AUH: variants seen among roughly 807,000 people sequenced by gnomAD.
AUH encodes AU RNA binding methylglutaconyl-CoA hydratase.
Under a neutral mutation model 42.3 loss-of-function variants are expected in AUH, and 29 were observed. That is an observed-to-expected ratio of 0.69 (90% CI 0.51 to 0.93). The LOEUF is 0.93. Among genes scored for constraint, AUH ranks in the 40% least tolerant of loss-of-function variants. The pLI is 0.00. For synonymous variants in AUH, 174 were observed against 166.4 expected (o/e 1.05, Z -0.35); for missense variants, 452 against 438.1 (o/e 1.03, Z -0.28).
At chr9:91,350,258 A>C (rs1587917862) in intron 3 of AUH, among the ~76,000 whole-genome samples, 1 of 152,234 alleles carries the variant, frequency 6.6e-6, no homozygotes, top group South Asian at 2.1e-4. Flanking sequence ...TAAAATTTTA[A>C]GAACTTTAAA....
At chr9:91,286,440 G>A (rs893332816) in intron 6 of AUH, among the ~76,000 whole-genome samples, 1 of 151,944 alleles carries the variant, frequency 6.6e-6, no homozygotes, top group Admixed American at 6.6e-5. Flanking sequence ...TTTGGAAATA[G>A]TCAGCCAATG....
At chr9:91,349,139 C>T (rs1831755799) in intron 3 of AUH, among the ~76,000 whole-genome samples, 1 of 152,160 alleles carries the variant, frequency 6.6e-6, no homozygotes, top group African/African-American at 2.4e-5. Context: ...CACATCTATC[C>T]AGATCATGAC....
chr9:91,329,415 G>A (rs911169237), intron 3 of AUH, among the ~76,000 whole-genome samples: 1 of 152,016 alleles, frequency 6.6e-6, no homozygotes, highest in Non-Finnish European at 1.5e-5. Flanking sequence ...ACCAACAATT[G>A]TCTGTCTTTT....
intron 6 of AUH, among the ~76,000 whole-genome samples, chr9:91,264,951 T>C (rs1829892453): frequency 6.6e-6 from 1 of 152,226 alleles, no homozygotes; most frequent in Non-Finnish European, 1.5e-5. Flanking sequence ...ATAGCATCCA[T>C]GTTGCTGATG....
chr9:91,320,508 C>T (rs1263181449), intron 4 of AUH, among the ~76,000 whole-genome samples: 2 of 152,138 alleles, frequency 1.3e-5, no homozygotes, highest in African/African-American at 4.8e-5. Flanking sequence ...TGTTTCTGCA[C>T]CTCGCTTCTG....
intron 6 of AUH, among the ~76,000 whole-genome samples, chr9:91,251,652 T>A (rs1038912966): frequency 2.0e-5 from 3 of 152,202 alleles, no homozygotes; most frequent in Non-Finnish European, 4.4e-5. Flanking sequence ...TAGAGTAAAC[T>A]TTCCATTTAC....
At position 91,288,982 on chromosome 9, in the gene AUH, C is replaced by T. The variant is rs578162625; in HGVS notation, c.655+7039G>A. Among the ~76,000 whole-genome samples the T allele has an allele frequency of 3.9e-4, 59 of 151,788 alleles. 1 individual carries two copies. The highest frequency in any genetic ancestry group is 7.7e-4 in the East Asian group (4 of 5,180). On this transcript the variant is annotated intron_variant, in intron 6 of 9. Coordinates refer to ENST00000375731, the MANE Select transcript of AUH (RefSeq NM_001698.3). Reference sequence around the variant, plus strand: ...CAGGTCAAAGCTCAGGTAAAGAAAACAAAACAAAACAAAACACTATTTTTT... The same window carrying T: ...CAGGTCAAAGCTCAGGTAAAGAAAATAAAACAAAACAAAACACTATTTTTT...
At chr9:91,283,520 T>C (rs1826146248) in intron 6 of AUH, among the ~76,000 whole-genome samples, 1 of 152,204 alleles carries the variant, frequency 6.6e-6, no homozygotes, top group African/African-American at 2.4e-5. Context: ...GGAAGTCAAA[T>C]TGTCCCTGTT....
At chr9:91,217,219 T>C (rs1826872737) in intron 8 of AUH, 58 bp downstream of exon 8, 2 of 1,524,876 alleles carry the variant, frequency 1.3e-6, no homozygotes, top group Admixed American at 1.7e-5. Context: ...ACATGGTTCA[T>C]TTAAATTAAA....
chr9:91,334,565 G>C (rs1464074881), intron 3 of AUH, among the ~76,000 whole-genome samples: 1 of 102,940 alleles, frequency 9.7e-6, no homozygotes, highest in Non-Finnish European at 2.0e-5. Flanking sequence ...TCTCCAGCTT[G>C]CAGATGTAGA....
At chr9:91,308,056 C>G (rs1382717381) in intron 4 of AUH, among the ~76,000 whole-genome samples, 2 of 151,936 alleles carry the variant, frequency 1.3e-5, no homozygotes, top group Admixed American at 1.3e-4. Flanking sequence ...TAGAATAAAC[C>G]CACACACAGA....
chr9:91,268,000 G>C (rs1210377505), intron 6 of AUH, among the ~76,000 whole-genome samples: 1 of 152,008 alleles, frequency 6.6e-6, no homozygotes, highest in Non-Finnish European at 1.5e-5. Context: ...TTCAGCTACG[G>C]GCTGCTCTGG....
At chr9:91,239,736 A>C (rs1828394112) in intron 6 of AUH, among the ~76,000 whole-genome samples, 1 of 152,084 alleles carries the variant, frequency 6.6e-6, no homozygotes, top group Non-Finnish European at 1.5e-5. Context: ...AAGCAATGAA[A>C]ACACACACGC....
rs534157408 is a variant in AUH at position 91,353,769 on chromosome 9, C to T, written c.418+2114G>A. 2.0e-3 allele frequency among the ~76,000 whole-genome samples: 265 copies of T among 131,152 alleles called. 3 individuals are homozygous for T. Among genetic ancestry groups the T allele is most frequent in the South Asian group, 0.011 (47 of 4,182 alleles). 86.0% of individuals were successfully genotyped at this position (131,152 alleles called of 152,430 possible). ...AGGAGAATGGGGTGAACCCAGGAGC[C>T]GAGATCGTGCCACTGCACTCCAGCC... On this transcript the variant is annotated intron_variant, in intron 3 of 9. Transcript: ENST00000375731.
chr9:91,288,887 A>G lies in AUH; in HGVS notation c.655+7134T>C, dbSNP rs75686727. On this transcript the variant is annotated intron_variant, in intron 6 of 9. Coordinates refer to ENST00000375731, the MANE Select transcript of AUH (RefSeq NM_001698.3). Reference sequence around the variant, plus strand: ...TCAATAGAAATATTACCATCTCTTCAAAGTCATTATTTTATAATAGCATTT... The same window carrying G: ...TCAATAGAAATATTACCATCTCTTCGAAGTCATTATTTTATAATAGCATTT... Among the ~76,000 whole-genome samples, 462 of 152,320 alleles carry G rather than the reference A, an allele frequency of 3.0e-3. 5 individuals are homozygous for G. Among genetic ancestry groups the G allele is most frequent in the African/African-American group, 0.011 (441 of 41,576 alleles).
At chr9:91,320,224 T>C (rs1266752334) in intron 4 of AUH, among the ~76,000 whole-genome samples, 1 of 152,244 alleles carries the variant, frequency 6.6e-6, no homozygotes, top group Non-Finnish European at 1.5e-5. Flanking sequence ...TTTACAAATA[T>C]ACGGTTTTAG....
At chr9:91,220,732 G>A in intron 7 of AUH, 73 bp downstream of exon 7, 1 of 1,540,690 alleles carries the variant, frequency 6.5e-7, no homozygotes, top group East Asian at 2.3e-5. Flanking sequence ...TAGGCAAGAT[G>A]ACTGCTGTTT....
Position 91,243,282 on chromosome 9 carries a change from G to A in AUH, c.656-22290C>T, listed in dbSNP as rs192454559. On this transcript the variant is annotated intron_variant, in intron 6 of 9. Coordinates refer to ENST00000375731, the MANE Select transcript of AUH (RefSeq NM_001698.3). ...ATAGCTCCTTAGCTATCTTTGCCAG[G>A]GCTAAGCCTCAGCGAGACTTAATAA... Among the ~76,000 whole-genome samples, 460 of 152,280 alleles carry A rather than the reference G, an allele frequency of 3.0e-3. 3 individuals carry two copies. The highest frequency in any genetic ancestry group is 0.01 in the Middle Eastern group (3 of 294).
At chr9:91,358,306 A>G (rs1441449425) in intron 1 of AUH, among the ~76,000 whole-genome samples, 1 of 152,194 alleles carries the variant, frequency 6.6e-6, no homozygotes, top group Admixed American at 6.5e-5. Flanking sequence ...TTTTAATTAA[A>G]GTGAATCTGA....
Sources: gnomAD v4.1 joint callset for allele counts (sites outside exome capture counted in the v4.1 genomes callset) on GRCh38, gnomAD v4.1.1 for gene constraint, MANE v1.5 for transcripts, NCBI Gene and HGNC (gene_info 2026-07-23, HGNC 2026-07-21) for gene names.